The following NMNAT3 variants were observed in gnomAD, a reference collection of about 807,000 sequenced individuals.
The protein encoded by NMNAT3 is nicotinamide/nicotinic acid mononucleotide adenylyltransferase 3.
NMNAT3 carries 21 observed loss-of-function variants against 24.8 expected under a neutral mutation model. That is an observed-to-expected ratio of 0.85 (90% CI 0.60 to 1.22). The LOEUF is 1.22. Ranked by LOEUF, NMNAT3 falls within the 50% of genes most tolerant of loss-of-function variation. The pLI, the probability that NMNAT3 is intolerant of heterozygous loss-of-function variation, is 0.00. For missense variants in NMNAT3, 387 were observed against 436.6 expected (o/e 0.89, Z 1.01); for synonymous variants, 136 against 155.2 (o/e 0.88, Z 0.92).
At chr3:139,603,704 T>G (rs930378620) in intron 3 of NMNAT3, among the ~76,000 whole-genome samples, 2 of 152,084 alleles carry the variant, frequency 1.3e-5, no homozygotes, top group African/African-American at 2.4e-5. Flanking sequence ...GCTATGCCAA[T>G]AATCACTAAC....
At chr3:139,661,558 C>G (rs2057418053) in intron 1 of NMNAT3, among the ~76,000 whole-genome samples, 1 of 152,054 alleles carries the variant, frequency 6.6e-6, no homozygotes, top group Non-Finnish European at 1.5e-5. Flanking sequence ...GTAGTTTTAG[C>G]TACTTGGAAG....
rs567641192 is a variant in NMNAT3, at chr3:139,656,501, T to C, written c.-140-18439A>G. On this transcript the variant is annotated intron_variant, in intron 1 of 6. Coordinates refer to ENST00000643695, the MANE Select transcript of NMNAT3 (RefSeq NM_001320510.2). ...CTCATTTTAACGGGGCAGTCAAATA[T>C]GGAAAAACAAGCAGCTACTTAAATA... Among the ~76,000 whole-genome samples, 9 of 152,214 alleles carry C rather than the reference T, an allele frequency of 5.9e-5. No individual in the cohort carries two copies. In the East Asian group the frequency reaches 9.7e-4, roughly 16 times the overall value.
intron 3 of NMNAT3, among the ~76,000 whole-genome samples, chr3:139,610,960 C>G (rs1474824408): frequency 1.3e-5 from 2 of 152,068 alleles, no homozygotes; most frequent in Non-Finnish European, 2.9e-5. Context: ...ATTTAAAATG[C>G]AAGTCACTGA....
chr3:139,644,770 A>G (rs573666119), intron 1 of NMNAT3, among the ~76,000 whole-genome samples: 1 of 152,382 alleles, frequency 6.6e-6, no homozygotes, highest in Admixed American at 6.5e-5. Context: ...CACTTGACCC[A>G]GGAGTGAACA....
At chr3:139,577,621 G>A (rs1315707808) in intron 5 of NMNAT3, among the ~76,000 whole-genome samples, 8 of 152,164 alleles carry the variant, frequency 5.3e-5, no homozygotes, top group African/African-American at 1.9e-4. Context: ...CTAGATAAAT[G>A]AGAAATGACT....
chr3:139,604,767 A>C (rs142590160), intron 3 of NMNAT3, among the ~76,000 whole-genome samples: 1 of 152,158 alleles, frequency 6.6e-6, no homozygotes, highest in African/African-American at 2.4e-5. Flanking sequence ...AATTTAAGGG[A>C]TGTTCAAGGA....
chr3:139,562,605 AC>A (rs1221273525), intron 6 of NMNAT3, among the ~76,000 whole-genome samples: 1 of 152,206 alleles, frequency 6.6e-6, no homozygotes, highest in Non-Finnish European at 1.5e-5. Flanking sequence ...CTAAGGTGGA[AC>A]CTTTAAAGGA....
At position 139,578,957 on chromosome 3, in the gene NMNAT3, G is replaced by T; in HGVS notation, c.490C>A (p.Leu164Met). 6.2e-7 allele frequency: 1 copy of T among 1,614,214 alleles called. No individual in the cohort carries two copies. Among genetic ancestry groups the T allele is most frequent in the Non-Finnish European group, 8.5e-7 (1 of 1,180,036 alleles). ...ATCCAGTCGGATGTCTGCAGGGCCA[G>T]CCGGGCCATGGCCACTCGGTGATGA... is the stretch of plus-strand genomic sequence containing the variant. Residue 164 changes from leucine (L) to methionine (M), a missense_variant, in exon 5 of 7, where the codon CTG becomes ATG. By Grantham distance (15) the Leu-to-Met change is conservative (BLOSUM62 2). Around this residue, in one of 3 missense-constraint regions of NMNAT3, gnomAD observed 323 missense variants for 345.2 expected, o/e 0.94. Coordinates refer to ENST00000643695, the MANE Select transcript of NMNAT3 (RefSeq NM_001320510.2).
At chr3:139,617,358 G>C (rs2055555825) in intron 3 of NMNAT3, among the ~76,000 whole-genome samples, 1 of 152,142 alleles carries the variant, frequency 6.6e-6, no homozygotes, top group Non-Finnish European at 1.5e-5. Flanking sequence ...AGGCTGCATG[G>C]CATGGTGGTT....
chr3:139,623,628 G>C (rs974155330), intron 3 of NMNAT3, among the ~76,000 whole-genome samples: 4 of 152,130 alleles, frequency 2.6e-5, no homozygotes, highest in Non-Finnish European at 5.9e-5. Flanking sequence ...CTGTCGCCCA[G>C]GCTGGAGTGC....
At chr3:139,600,183 CTTTCT>C (rs1166550848) in intron 3 of NMNAT3, among the ~76,000 whole-genome samples, 1 of 152,176 alleles carries the variant, frequency 6.6e-6, no homozygotes, top group East Asian at 1.9e-4. Flanking sequence ...TGAGGTTTCT[CTTTCT>C]TTATTTCCAA....
chr3:139,667,691 T>C (rs773812698), intron 1 of NMNAT3, among the ~76,000 whole-genome samples: 1 of 152,232 alleles, frequency 6.6e-6, no homozygotes, highest in Non-Finnish European at 1.5e-5. Flanking sequence ...AATAAAATTA[T>C]AGTTTTGTTT....
chr3:139,641,079 C>T (rs1256467776), intron 1 of NMNAT3, among the ~76,000 whole-genome samples: 1 of 152,208 alleles, frequency 6.6e-6, no homozygotes, highest in African/African-American at 2.4e-5. Flanking sequence ...TTTCTTCCTG[C>T]ACTTATTGCT....
intron 5 of NMNAT3, among the ~76,000 whole-genome samples, chr3:139,574,596 A>G (rs1287449414): frequency 6.6e-6 from 1 of 152,076 alleles, no homozygotes; most frequent in Non-Finnish European, 1.5e-5. Flanking sequence ...ATTTACTAGA[A>G]CTGTATTTAG....
At chr3:139,605,944 T>G (rs181851150) in intron 3 of NMNAT3, among the ~76,000 whole-genome samples, 1 of 152,052 alleles carries the variant, frequency 6.6e-6, no homozygotes, top group East Asian at 1.9e-4. Context: ...CAAATTTACT[T>G]AAATATCTAG....
intron 1 of NMNAT3, among the ~76,000 whole-genome samples, chr3:139,640,750 C>T (rs1221627287): frequency 6.6e-6 from 1 of 152,186 alleles, no homozygotes; most frequent in Non-Finnish European, 1.5e-5. Flanking sequence ...GAGCCATTCT[C>T]TCCAATTTCG....
chr3:139,582,890 G>C, intron 4 of NMNAT3: 1 of 1,285,120 alleles, frequency 7.8e-7, no homozygotes, highest in Non-Finnish European at 1.0e-6. Flanking sequence ...AAGTTGGAGG[G>C]AGGAGCAGTC....
At chr3:139,598,083 T>G (rs944210985) in intron 3 of NMNAT3, among the ~76,000 whole-genome samples, 3 of 152,224 alleles carry the variant, frequency 2.0e-5, no homozygotes, top group African/African-American at 7.2e-5. Flanking sequence ...TAGAATTAGA[T>G]AACAGATGAA....
chr3:139,622,472 C>A (rs2055824888), intron 3 of NMNAT3, among the ~76,000 whole-genome samples: 1 of 151,556 alleles, frequency 6.6e-6, no homozygotes, highest in Admixed American at 6.6e-5. Context: ...CGGTGGCTCA[C>A]ACCTTTAATC....
Sources: allele counts gnomAD v4.1 joint callset (sites outside exome capture counted in the v4.1 genomes callset), GRCh38; gene constraint gnomAD v4.1.1; regional missense constraint gnomAD v4.1.1; transcripts MANE v1.5; gene names NCBI Gene and HGNC (gene_info 2026-07-23, HGNC 2026-07-21).